Variants in CTNND1 observed in about 807,000 individuals in gnomAD.
CTNND1 encodes catenin delta-1.
CTNND1 carries 16 observed loss-of-function variants against 112.1 expected under a neutral mutation model. The observed-to-expected ratio is 0.14, with a 90% confidence interval of 0.10 to 0.22. The LOEUF is 0.22. CTNND1 is among the 10% of genes least tolerant of loss of function. The pLI, the probability that CTNND1 is intolerant of heterozygous loss-of-function variation, is 1.00. For missense variants in CTNND1, 1,008 were observed against 1,257.0 expected, an observed-to-expected ratio of 0.80 and a Z score of 3.00; for synonymous variants, 420 against 446.5, an observed-to-expected ratio of 0.94 and a Z score of 0.75.
At chr11:57,774,562 G>A (rs535793841) in intron 1 of CTNND1, among the ~76,000 whole-genome samples, 3 of 152,166 alleles carry the variant, frequency 2.0e-5, no homozygotes, top group Admixed American at 6.5e-5. Context: ...GATCTGAGCT[G>A]TCTGGTGAGC....
At chr11:57,801,309 C>G (rs533716072) in intron 6 of CTNND1, among the ~76,000 whole-genome samples, 27 of 152,260 alleles carry the variant, frequency 1.8e-4, no homozygotes, top group African/African-American at 5.3e-4. Context: ...AGGAACTGTT[C>G]TCAGACTTCT....
At position 57,810,142 on chromosome 11, in the gene CTNND1, A is replaced by G. The variant is rs754901265; in HGVS notation, c.2469A>G (p.Ala823=). 6.8e-6 allele frequency: 11 copies of G among 1,612,506 alleles called. No homozygotes were observed. In the African/African-American group the frequency reaches 1.2e-4, roughly 18 times the overall value. The change falls in exon 16 of 21, where the codon GCA becomes GCG. Residue 823 remains alanine, a synonymous_variant. Transcript: ENST00000399050. ...CAGAAAAAGAAGTTCGAGCAGCAGC[A>G]CTTGTATTACAGACAATCTGGGGAT... ...NRSEKEVRAA[A]LVLQTIWGYK...
chr11:57,808,903 T>C (rs2063019979), intron 14 of CTNND1, among the ~76,000 whole-genome samples: 1 of 152,214 alleles, frequency 6.6e-6, no homozygotes, highest in African/African-American at 2.4e-5. Flanking sequence ...CCAGAGTTAA[T>C]GTAGCTAGTT....
intron 8 of CTNND1, among the ~76,000 whole-genome samples, chr11:57,804,329 T>A (rs541713369): frequency 9.8e-5 from 15 of 152,354 alleles, no homozygotes; most frequent in African/African-American, 2.6e-4. Context: ...ATCCTATAAA[T>A]GCTGCTATAT....
chr11:57,815,887 C>G, intron 19 of CTNND1, 28 bp from the exon 20 acceptor site: 1 of 1,583,358 alleles, frequency 6.3e-7, no homozygotes, highest in African/African-American at 1.4e-5. Context: ...TGTCTCTACT[C>G]ATACTAACAA....
At chr11:57,795,534 A>G in intron 4 of CTNND1, 43 bp from the exon 5 acceptor site, 1 of 1,574,288 alleles carries the variant, frequency 6.4e-7, no homozygotes, top group African/African-American at 1.4e-5. Context: ...TGTTATACAT[A>G]GCACTTAATA....
intron 17 of CTNND1, among the ~76,000 whole-genome samples, chr11:57,811,771 A>G (rs995824986): frequency 7.1e-6 from 1 of 140,516 alleles, no homozygotes; most frequent in East Asian, 2.1e-4. Flanking sequence ...CTCCTTTTAA[A>G]TTTCCATTTA....
intron 6 of CTNND1, among the ~76,000 whole-genome samples, chr11:57,797,278 T>C (rs972218210): frequency 1.3e-5 from 2 of 149,156 alleles, no homozygotes; most frequent in African/African-American, 2.4e-5. Context: ...TCACCCATGC[T>C]GGAGTACAGG....
At chr11:57,798,771 A>G (rs1323888612) in intron 6 of CTNND1, among the ~76,000 whole-genome samples, 1 of 152,212 alleles carries the variant, frequency 6.6e-6, no homozygotes, top group Non-Finnish European at 1.5e-5. Flanking sequence ...ACGTAGAACT[A>G]TTTTAGGCTT....
Position 57,789,213 on chromosome 11 carries a change from A to G in CTNND1, c.-95+58A>G, listed in dbSNP as rs2060436719. On this transcript the variant is annotated intron_variant, in intron 2 of 20. Coordinates refer to ENST00000399050, the MANE Select transcript of CTNND1 (RefSeq NM_001085458.2). ...AAATCTTACTTTTTAAGAAATATGTATTTTTATTCCTTTCATGTCATAGCA... is the reference window on the plus strand; with the variant it reads ...AAATCTTACTTTTTAAGAAATATGTGTTTTTATTCCTTTCATGTCATAGCA... 3 of 1,198,304 alleles carry G rather than the reference A, an allele frequency of 2.5e-6. 1 individual carries two copies. Among genetic ancestry groups the G allele is most frequent in the Middle Eastern group, 2.0e-4 (1 of 5,096 alleles). The allele number at this position is 1,198,304 out of a possible 1,614,324, so 74.2% of individuals were successfully genotyped here. A position where few individuals can be genotyped will look rare whatever the true frequency, so the allele number is the denominator to read the frequency against.
intron 17 of CTNND1, 125 bp from the exon 18 acceptor site, chr11:57,814,186 A>C (rs376326184): frequency 8.7e-6 from 6 of 685,770 alleles, no homozygotes; most frequent in Non-Finnish European, 1.6e-5. Context: ...ATTGTGATGC[A>C]CATAGTTGGT....
At chr11:57,782,811 T>A (rs2059716221) in intron 1 of CTNND1, among the ~76,000 whole-genome samples, 1 of 152,192 alleles carries the variant, frequency 6.6e-6, no homozygotes, top group African/African-American at 2.4e-5. Context: ...GAGTGAACAC[T>A]AGGAGAAGGC....
Position 57,815,694 on chromosome 11 carries a change from A to G in CTNND1, c.2808+194A>G. On this transcript the variant is annotated intron_variant, in intron 19 of 20. Coordinates refer to ENST00000399050, the MANE Select transcript of CTNND1 (RefSeq NM_001085458.2). ...ATTCTGCAGTGGTCAAAATGGGGGAAGCATGTCTGTAAAAGTGTTACTGAT... is the reference window on the plus strand; with the variant it reads ...ATTCTGCAGTGGTCAAAATGGGGGAGGCATGTCTGTAAAAGTGTTACTGAT... 3.8e-6 allele frequency: 3 copies of G among 785,340 alleles called. No individual in the cohort carries two copies. In the South Asian group the frequency reaches 4.1e-5, roughly 11 times the overall value. The allele number at this position is 785,340 out of a possible 1,614,324, so 48.6% of individuals were successfully genotyped here. A position where few individuals can be genotyped will look rare whatever the true frequency, so the allele number is the denominator to read the frequency against.
At chr11:57,776,426 G>C (rs1954247647) in intron 1 of CTNND1, among the ~76,000 whole-genome samples, 3 of 152,064 alleles carry the variant, frequency 2.0e-5, no homozygotes, top group Admixed American at 2.0e-4. Flanking sequence ...GTGGGATGTT[G>C]GCTAGTTGGA....
At chr11:57,803,331 G>A (rs1038383690) in intron 7 of CTNND1, among the ~76,000 whole-genome samples, 6 of 152,124 alleles carry the variant, frequency 3.9e-5, no homozygotes, top group Non-Finnish European at 7.4e-5. Context: ...CTTGTGATCC[G>A]CCCGCCTTGG....
At position 57,819,377 on chromosome 11, in the gene CTNND1, A is replaced by G. The variant is rs758927948; in HGVS notation, c.*3069A>G. The G allele has an allele frequency of 3.9e-5, 6 of 152,238 alleles. No homozygotes were observed. In the South Asian group the frequency reaches 6.2e-4, roughly 16 times the overall value. 9.4% of individuals were successfully genotyped at this position (152,238 alleles called of 1,614,324 possible). ...AAGAGTTTTGATAGCCCTGCTTGAG[A>G]TGATTTTTATCTAAATAGAAAAGCC... On this transcript the variant is annotated 3_prime_UTR_variant, in exon 21 of 21. Transcript: ENST00000399050.
Position 57,818,550 on chromosome 11 carries a change from G to A in CTNND1, c.*2242G>A, listed in dbSNP as rs1445220355. The A allele has an allele frequency of 6.6e-6, 1 of 152,472 alleles. No individual in the cohort carries two copies. The highest frequency in any genetic ancestry group is 2.4e-5 in the African/African-American group (1 of 41,414). The allele number at this position is 152,472 out of a possible 1,614,324, so 9.4% of individuals were successfully genotyped here. ...ATCAGTGTCCTTTCCAGAGCAACCA[G>A]AAGGAGGTTATACCAGGATTTATTT... On this transcript the variant is annotated 3_prime_UTR_variant, in exon 21 of 21. Transcript: ENST00000399050.
At chr11:57,778,413 A>G (rs2059230614) in intron 1 of CTNND1, among the ~76,000 whole-genome samples, 1 of 152,200 alleles carries the variant, frequency 6.6e-6, no homozygotes, top group Non-Finnish European at 1.5e-5. Flanking sequence ...GCTGAGCTGA[A>G]TTAACAGCAT....
intron 6 of CTNND1, among the ~76,000 whole-genome samples, chr11:57,797,388 G>A (rs1036426562): frequency 1.4e-5 from 2 of 147,924 alleles, no homozygotes; most frequent in Admixed American, 6.7e-5. Context: ...GCACCATCAC[G>A]CCTGGCTAAT....
Sources: gnomAD v4.1 joint callset for allele counts (sites outside exome capture counted in the v4.1 genomes callset) on GRCh38, gnomAD v4.1.1 for gene constraint, MANE v1.5 for transcripts, NCBI Gene and HGNC (gene_info 2026-07-23, HGNC 2026-07-21) for gene names.